The following MBD5 variants were observed in gnomAD, a reference collection of about 807,000 sequenced individuals.
The protein encoded by MBD5 is methyl-CpG-binding domain protein 5.
Under a neutral mutation model 117.3 loss-of-function variants are expected in MBD5, and 13 were observed. The ratio of observed to expected loss-of-function variants is 0.11; its 90% CI spans 0.07 to 0.18. The LOEUF is 0.18. MBD5 is among the 10% of genes least tolerant of loss of function. The probability of loss-of-function intolerance (pLI) is 1.00; values close to 1 mark genes in which losing one functional copy is unlikely to be tolerated. For missense variants in MBD5, 1,879 were observed against 2,093.8 expected (o/e 0.90, Z 2.00); for synonymous variants, 727 against 766.4 (o/e 0.95, Z 0.85).
chr2:148,056,266 A>C (rs1331811680), intron 1 of MBD5: 1 of 152,140 alleles, frequency 6.6e-6, no homozygotes, highest in Admixed American at 6.5e-5. Context: ...GGGTATTTTT[A>C]AAAGAGATGA....
intron 1 of MBD5, among the ~76,000 whole-genome samples, chr2:148,150,422 A>G (rs1221890824): frequency 5.0e-4 from 76 of 151,334 alleles, no homozygotes; most frequent in African/African-American, 1.6e-3. Context: ...TTGGCGATGC[A>G]GGCTCTTTTT....
chr2:148,073,983 G>A (rs965371917), intron 1 of MBD5, among the ~76,000 whole-genome samples: 1 of 151,926 alleles, frequency 6.6e-6, no homozygotes, highest in Non-Finnish European at 1.5e-5. Flanking sequence ...TGGGCTTATA[G>A]GATACCAGAT....
At chr2:148,412,272 T>TTTTGTGTGTGTGTGTGTG (rs946184910) in intron 4 of MBD5, among the ~76,000 whole-genome samples, 8 of 144,480 alleles carry the variant, frequency 5.5e-5, no homozygotes, top group African/African-American at 1.8e-4. Context: ...AGTATACTTT[T>TTTTGTGTGTGTGTGTGTG]TGTGTGTGTG....
At chr2:148,460,762 G>A (rs1707043910) in intron 5 of MBD5, among the ~76,000 whole-genome samples, 1 of 152,262 alleles carries the variant, frequency 6.6e-6, no homozygotes, top group African/African-American at 2.4e-5. Flanking sequence ...TGTTTTTAAA[G>A]CATCTGGAGT....
rs776142367 is a variant in MBD5 at position 148,470,211 on chromosome 2, G to A, written c.2268G>A (p.Gly756=). 6.2e-6 allele frequency: 10 copies of A among 1,613,810 alleles called. No individual in the cohort carries two copies. The highest frequency in any genetic ancestry group is 7.6e-6 in the Non-Finnish European group (9 of 1,179,914). ...TTCTTCAGAACATACCTTTAAGAGG[G>A]GAAGCCGTGCACTGCCACAATGCAA... ...SSVLQNIPLR[G]EAVHCHNANT... Residue 756 remains glycine, a synonymous_variant, in exon 8 of 14, where the codon GGG becomes GGA. Coordinates refer to ENST00000642680, the MANE Select transcript of MBD5 (RefSeq NM_001378120.1).
intron 4 of MBD5, among the ~76,000 whole-genome samples, chr2:148,441,544 T>C (rs1273949033): frequency 3.9e-5 from 6 of 152,222 alleles, no homozygotes; most frequent in Non-Finnish European, 7.3e-5. Flanking sequence ...TTTGCTATTG[T>C]GAATAGTGCC....
intron 3 of MBD5, among the ~76,000 whole-genome samples, chr2:148,272,321 A>G (rs1196429261): frequency 6.6e-6 from 1 of 152,154 alleles, no homozygotes; most frequent in Non-Finnish European, 1.5e-5. Context: ...GGGATCATGT[A>G]CTAGTTCTGT....
chr2:148,055,723 C>G (rs1450727783), intron 1 of MBD5: 1 of 152,232 alleles, frequency 6.6e-6, no homozygotes, highest in South Asian at 2.1e-4. Context: ...TGTGCCACCG[C>G]GCTTGGCCGT....
At chr2:148,440,532 A>G (rs554236760) in intron 4 of MBD5, among the ~76,000 whole-genome samples, 3 of 152,328 alleles carry the variant, frequency 2.0e-5, no homozygotes, top group East Asian at 1.9e-4. Flanking sequence ...TGATTTTAAT[A>G]TATTATTAAG....
At chr2:148,238,243 A>G (rs1700132738) in intron 3 of MBD5, among the ~76,000 whole-genome samples, 2 of 152,222 alleles carry the variant, frequency 1.3e-5, no homozygotes, top group East Asian at 3.9e-4. Context: ...TAAAAATATG[A>G]AAATGTGATT....
chr2:148,058,397 A>T (rs931790983), intron 1 of MBD5, among the ~76,000 whole-genome samples: 2 of 151,724 alleles, frequency 1.3e-5, no homozygotes, highest in Admixed American at 6.6e-5. Context: ...TTATACTTAA[A>T]TTTTTTTTCT....
intron 3 of MBD5, among the ~76,000 whole-genome samples, chr2:148,256,276 G>A (rs549605426): frequency 1.4e-4 from 22 of 152,204 alleles, no homozygotes; most frequent in Non-Finnish European, 3.2e-4. Flanking sequence ...CCCCCTGCAT[G>A]TCCCAATTTC....
At chr2:148,218,706 C>T (rs1201835122) in intron 2 of MBD5, among the ~76,000 whole-genome samples, 2 of 152,134 alleles carry the variant, frequency 1.3e-5, no homozygotes, top group African/African-American at 2.4e-5. Context: ...TATTATTGTA[C>T]TGAATACTGT....
intron 2 of MBD5, among the ~76,000 whole-genome samples, chr2:148,222,936 T>TCA (rs1699727337): frequency 6.6e-6 from 1 of 152,066 alleles, no homozygotes. Flanking sequence ...CTGATGCTAA[T>TCA]GTACATTCTA....
intron 4 of MBD5, among the ~76,000 whole-genome samples, chr2:148,376,562 C>T (rs1213091961): frequency 3.3e-5 from 5 of 149,548 alleles, no homozygotes; most frequent in Non-Finnish European, 5.9e-5. Flanking sequence ...CCACCGCGCC[C>T]GGCCAAAAAT....
intron 1 of MBD5, among the ~76,000 whole-genome samples, chr2:148,063,229 T>A (rs1350476756): frequency 6.6e-6 from 1 of 152,158 alleles, no homozygotes; most frequent in Non-Finnish European, 1.5e-5. Context: ...TTTAAGTCAT[T>A]AGTTTTGAAT....
At chr2:148,047,355 A>T (rs1694561543) in intron 1 of MBD5, among the ~76,000 whole-genome samples, 1 of 152,230 alleles carries the variant, frequency 6.6e-6, no homozygotes, top group South Asian at 2.1e-4. Context: ...CCTGAATTGA[A>T]GTAAGGGCTC....
At chr2:148,328,986 T>G (rs1702557227) in intron 3 of MBD5, among the ~76,000 whole-genome samples, 1 of 152,248 alleles carries the variant, frequency 6.6e-6, no homozygotes, top group South Asian at 2.1e-4. Context: ...TTAAAATTCT[T>G]AATTGAATAT....
At chr2:148,298,302 T>C (rs903523260) in intron 3 of MBD5, among the ~76,000 whole-genome samples, 3 of 152,128 alleles carry the variant, frequency 2.0e-5, no homozygotes, top group Non-Finnish European at 4.4e-5. Context: ...GTGGAAGATA[T>C]CAGAGCCCTT....
Sources: gnomAD v4.1 joint callset for allele counts (sites outside exome capture counted in the v4.1 genomes callset) on GRCh38, gnomAD v4.1.1 for gene constraint, MANE v1.5 for transcripts, NCBI Gene and HGNC (gene_info 2026-07-23, HGNC 2026-07-21) for gene names.